C9: variants seen among roughly 807,000 people sequenced by gnomAD.
The protein encoded by C9 is complement C9, also known as complement component C9.
C9 carries 63 observed loss-of-function variants against 65.4 expected under a neutral mutation model. The ratio of observed to expected loss-of-function variants is 0.96; its 90% confidence interval spans 0.79 to 1.19. The LOEUF (loss-of-function observed/expected upper bound fraction) is 1.19, where lower values mean the gene tolerates loss of function less well. C9 is among the 50% of genes most tolerant of loss of function. The pLI is 0.00. For synonymous variants in C9, 229 were observed against 227.9 expected, an observed-to-expected ratio of 1.00 and a Z score of -0.04; for missense variants, 744 against 670.1, an observed-to-expected ratio of 1.11 and a Z score of -1.22.
rs567721523 is a variant in C9, at chr5:39,343,116, G to A, written c.78-920C>T. ...CCAGCGTGAGTGACGGAGAAGTCAG[G>A]TGATTTCTGCATTTCCAACTGAGGT... On this transcript the variant is annotated intron_variant, in intron 1 of 10. Coordinates refer to ENST00000263408, the MANE Select transcript of C9 (RefSeq NM_001737.5). 5.3e-5 allele frequency among the ~76,000 whole-genome samples: 8 copies of A among 152,260 alleles called. No homozygotes were observed. In the South Asian group the frequency reaches 1.5e-3, roughly 28 times the overall value.
intron 9 of C9, among the ~76,000 whole-genome samples, chr5:39,303,074 G>C (rs960012142): frequency 1.3e-5 from 2 of 152,126 alleles, no homozygotes; most frequent in Admixed American, 6.6e-5. Flanking sequence ...TATTGCTCTA[G>C]AAGAAATAAT....
intron 1 of C9, among the ~76,000 whole-genome samples, chr5:39,358,910 G>T (rs550100084): frequency 6.6e-5 from 10 of 151,290 alleles, no homozygotes; most frequent in African/African-American, 2.4e-4. Context: ...GCGTGAACCC[G>T]GGAGGCGGAG....
intron 5 of C9, among the ~76,000 whole-genome samples, chr5:39,325,322 A>T (rs10051568): frequency 0.029 from 4,478 of 152,238 alleles, 202 homozygotes; most frequent in African/African-American, 0.099. Flanking sequence ...TTGGGGTAAT[A>T]TGACAGTAAA....
intron 1 of C9, among the ~76,000 whole-genome samples, chr5:39,359,435 C>G (rs910366468): frequency 6.6e-6 from 1 of 151,748 alleles, no homozygotes; most frequent in East Asian, 1.9e-4. Flanking sequence ...GTGGGGATGT[C>G]GGCGTATAAG....
At chr5:39,335,733 G>A (rs994272472) in intron 4 of C9, among the ~76,000 whole-genome samples, 4 of 152,306 alleles carry the variant, frequency 2.6e-5, no homozygotes, top group African/African-American at 9.6e-5. Flanking sequence ...TGCCAAATGA[G>A]GGGTACATGT....
chr5:39,364,422 C>T lies in C9; in HGVS notation c.43G>A (p.Glu15Lys), dbSNP rs1250801636. 1 of 1,610,332 alleles carries T rather than the reference C, an allele frequency of 6.2e-7. No individual in the cohort carries two copies. Among genetic ancestry groups the T allele is most frequent in the Non-Finnish European group, 8.5e-7 (1 of 1,176,876 alleles). The change falls in exon 1 of 11, where the codon GAA (glutamate) becomes AAA (lysine). Residue 15 changes from glutamate (E) to lysine (K), a missense_variant. By Grantham distance (56) the Glu-to-Lys change is moderately conservative. Transcript: ENST00000263408. ...TACTGTGCTGTGAGGATGCTTATTT[C>T]TAAAATGCAGATTGCAACTGCAAAG... ...RSFAVAICIL[E>K]ISILTAQYTT...
At chr5:39,346,328 A>C (rs1754194415) in intron 1 of C9, among the ~76,000 whole-genome samples, 1 of 152,226 alleles carries the variant, frequency 6.6e-6, no homozygotes, top group African/African-American at 2.4e-5. Context: ...ACAAAAAATG[A>C]CAAAGGGGAT....
At chr5:39,354,838 AG>A (rs1183487396) in intron 1 of C9, among the ~76,000 whole-genome samples, 1 of 152,212 alleles carries the variant, frequency 6.6e-6, no homozygotes, top group Non-Finnish European at 1.5e-5. Context: ...TGAATAAGTG[AG>A]TAAATACTTA....
intron 9 of C9, among the ~76,000 whole-genome samples, chr5:39,290,326 A>T (rs574479866): frequency 6.6e-6 from 1 of 151,894 alleles, no homozygotes; most frequent in Non-Finnish European, 1.5e-5. Flanking sequence ...AGCAAATTCA[A>T]TTGTGTAACT....
At chr5:39,304,151 C>T (rs993129680) in intron 9 of C9, among the ~76,000 whole-genome samples, 1 of 152,018 alleles carries the variant, frequency 6.6e-6, no homozygotes, top group African/African-American at 2.4e-5. Context: ...GGTTTTGTTA[C>T]AGGTCATTTT....
chr5:39,354,495 G>A (rs985926288), intron 1 of C9, among the ~76,000 whole-genome samples: 1 of 152,192 alleles, frequency 6.6e-6, no homozygotes, highest in Non-Finnish European at 1.5e-5. Flanking sequence ...GCAACATCTG[G>A]TGGAAATCCA....
chr5:39,344,860 C>A (rs573624033), intron 1 of C9, among the ~76,000 whole-genome samples: 1 of 152,050 alleles, frequency 6.6e-6, no homozygotes, highest in Non-Finnish European at 1.5e-5. Context: ...AGAGTGGGGG[C>A]AATATTCAAC....
At chr5:39,335,513 T>A (rs1271613768) in intron 4 of C9, among the ~76,000 whole-genome samples, 1 of 152,222 alleles carries the variant, frequency 6.6e-6, no homozygotes, top group Non-Finnish European at 1.5e-5. Flanking sequence ...TTTTTTTCTC[T>A]TGTAGTATAG....
intron 1 of C9, among the ~76,000 whole-genome samples, chr5:39,347,399 T>C (rs1754221733): frequency 1.3e-5 from 2 of 152,096 alleles, no homozygotes; most frequent in African/African-American, 2.4e-5. Context: ...GAGAGCCAAA[T>C]CATGAGTGAA....
chr5:39,291,415 G>A (rs190468310), intron 9 of C9, among the ~76,000 whole-genome samples: 1 of 151,668 alleles, frequency 6.6e-6, no homozygotes, highest in African/African-American at 2.4e-5. Flanking sequence ...TACAGAAAGA[G>A]GGAAGGAAAC....
intron 5 of C9, among the ~76,000 whole-genome samples, chr5:39,317,264 T>C (rs904730071): frequency 6.6e-6 from 1 of 152,184 alleles, no homozygotes; most frequent in African/African-American, 2.4e-5. Flanking sequence ...GTCAGATGGA[T>C]AGATTGCAAA....
chr5:39,323,232 G>A (rs1369241557), intron 5 of C9, among the ~76,000 whole-genome samples: 1 of 151,878 alleles, frequency 6.6e-6, no homozygotes, highest in Non-Finnish European at 1.5e-5. Context: ...AAGTCTACCA[G>A]ATATTTAAAG....
intron 6 of C9, among the ~76,000 whole-genome samples, chr5:39,312,487 C>T (rs556593617): frequency 3.3e-5 from 5 of 152,202 alleles, no homozygotes; most frequent in African/African-American, 7.2e-5. Context: ...TCTCCTTGTC[C>T]CTTTCAGTCC....
chr5:39,355,995 G>A (rs1754407917), intron 1 of C9, among the ~76,000 whole-genome samples: 1 of 152,152 alleles, frequency 6.6e-6, no homozygotes, highest in Non-Finnish European at 1.5e-5. Context: ...GGTATTGGGG[G>A]TTAGAACTTC....
Sources: allele counts gnomAD v4.1 joint callset (sites outside exome capture counted in the v4.1 genomes callset), GRCh38; gene constraint gnomAD v4.1.1; transcripts MANE v1.5; gene names NCBI Gene and HGNC (gene_info 2026-07-23, HGNC 2026-07-21).